WASF1: variants seen among roughly 807,000 people sequenced by gnomAD.
The protein encoded by WASF1 is WASP family member 1.
WASF1 carries 7 observed loss-of-function variants against 50.5 expected under a neutral mutation model. That is an observed-to-expected ratio of 0.14 (90% CI 0.08 to 0.26). The LOEUF is 0.26. Among genes scored for constraint, WASF1 ranks in the 10% least tolerant of loss-of-function variants. The pLI is 1.00. For synonymous variants in WASF1, 205 were observed against 244.0 expected, an observed-to-expected ratio of 0.84 and a Z score of 1.49; for missense variants, 470 against 694.7, an observed-to-expected ratio of 0.68 and a Z score of 3.64.
intron 3 of WASF1, among the ~76,000 whole-genome samples, chr6:110,129,185 G>A (rs1774550649): frequency 6.6e-6 from 1 of 152,124 alleles, no homozygotes; most frequent in African/African-American, 2.4e-5. Context: ...TTCACCTACA[G>A]ACAGCAAAGC....
intron 3 of WASF1, among the ~76,000 whole-genome samples, chr6:110,132,984 A>ACC (rs1345964071): frequency 1.4e-5 from 2 of 147,264 alleles, no homozygotes; most frequent in African/African-American, 5.1e-5. Context: ...ACACACACAC[A>ACC]CACCATGGAA....
At chr6:110,173,795 A>G (rs1776813733) in intron 2 of WASF1, among the ~76,000 whole-genome samples, 2 of 152,318 alleles carry the variant, frequency 1.3e-5, no homozygotes, top group South Asian at 2.1e-4. Context: ...TGTATCTCAC[A>G]GCTTCAGCAA....
intron 3 of WASF1, among the ~76,000 whole-genome samples, chr6:110,135,181 T>C (rs188362525): frequency 2.4e-4 from 37 of 152,348 alleles, no homozygotes; most frequent in Non-Finnish European, 2.8e-4. Flanking sequence ...TGGTCACTAT[T>C]GGTGTATAGC....
chr6:110,100,565 G>C lies in WASF1; in HGVS notation c.1637C>G (p.Ser546Trp). 6.2e-7 allele frequency: 1 copy of C among 1,612,576 alleles called. No homozygotes were observed. The highest frequency in any genetic ancestry group is 8.5e-7 in the Non-Finnish European group (1 of 1,179,376). ...SRRIAVEYSDSEDDSEFDEVD... is the reference protein window; with the variant it reads ...SRRIAVEYSDWEDDSEFDEVD... ...TTCATCAAATTCTGAATCATCTTCC[G>C]AATCACTATATTCAACAGCAATACG... is the stretch of plus-strand genomic sequence containing the variant. The change falls in exon 11 of 11, where the codon TCG becomes TGG. Residue 546 changes from serine to tryptophan, a missense_variant. Ser to Trp is a radical substitution (Grantham distance 177). Coordinates refer to ENST00000392589, the MANE Select transcript of WASF1 (RefSeq NM_003931.3).
chr6:110,164,731 T>C (rs1332501007), intron 2 of WASF1, among the ~76,000 whole-genome samples: 6 of 151,624 alleles, frequency 4.0e-5, no homozygotes, highest in African/African-American at 1.2e-4. Context: ...CTTACACCCA[T>C]ACAAAAATGT....
At chr6:110,158,632 G>T (rs567073941) in intron 3 of WASF1, among the ~76,000 whole-genome samples, 1 of 151,974 alleles carries the variant, frequency 6.6e-6, no homozygotes, top group East Asian at 1.9e-4. Context: ...ACCCTCACAT[G>T]AGCTTCTTTG....
intron 2 of WASF1, among the ~76,000 whole-genome samples, chr6:110,174,891 T>C (rs1286780153): frequency 1.3e-5 from 2 of 152,182 alleles, no homozygotes; most frequent in East Asian, 1.9e-4. Context: ...TCTTTTATTC[T>C]GTAGTAATTG....
intron 4 of WASF1, among the ~76,000 whole-genome samples, chr6:110,117,107 T>C (rs1773849429): frequency 6.6e-6 from 1 of 151,498 alleles, no homozygotes; most frequent in Admixed American, 6.6e-5. Context: ...CCTCTTCTCG[T>C]CCAAAGGATT....
At chr6:110,108,480 C>A in intron 6 of WASF1, 48 bp downstream of exon 6, 1 of 1,523,640 alleles carries the variant, frequency 6.6e-7, no homozygotes, top group Non-Finnish European at 8.9e-7. Flanking sequence ...GCATTTCAAT[C>A]TGAAGTCTGA....
intron 2 of WASF1, 118 bp from the exon 3 acceptor site, chr6:110,160,850 G>C (rs1776233736): frequency 6.6e-6 from 1 of 151,614 alleles, no homozygotes. Context: ...GGCCTGAGGA[G>C]TAATTTAAGC....
intron 3 of WASF1, among the ~76,000 whole-genome samples, chr6:110,151,668 C>G (rs1271967305): frequency 1.3e-5 from 2 of 152,104 alleles, no homozygotes; most frequent in Non-Finnish European, 2.9e-5. Flanking sequence ...ATATTAATCA[C>G]AATTTTGAGT....
intron 2 of WASF1, among the ~76,000 whole-genome samples, chr6:110,176,628 C>T (rs1045581324): frequency 3.9e-5 from 6 of 151,962 alleles, no homozygotes; most frequent in African/African-American, 1.4e-4. Context: ...TTTACCCATT[C>T]ATTTTATTTG....
intron 3 of WASF1, among the ~76,000 whole-genome samples, chr6:110,129,436 C>T (rs1774562276): frequency 6.6e-6 from 1 of 152,128 alleles, no homozygotes; most frequent in African/African-American, 2.4e-5. Context: ...GATATGCAGC[C>T]TGAGGAACTT....
At chr6:110,178,774 G>C (rs1777049882) in intron 1 of WASF1, 32 bp from the exon 2 acceptor site, 1 of 152,788 alleles carries the variant, frequency 6.5e-6, no homozygotes, top group Non-Finnish European at 1.5e-5. Flanking sequence ...AATGGGAAAG[G>C]TGCAATGGAT....
intron 4 of WASF1, among the ~76,000 whole-genome samples, chr6:110,122,959 A>G (rs1489518647): frequency 6.6e-6 from 1 of 152,168 alleles, no homozygotes; most frequent in Non-Finnish European, 1.5e-5. Context: ...AAGTGGGGAA[A>G]AAAAAAGAGA....
At chr6:110,119,051 G>A (rs1277894983) in intron 4 of WASF1, among the ~76,000 whole-genome samples, 1 of 152,186 alleles carries the variant, frequency 6.6e-6, no homozygotes, top group Non-Finnish European at 1.5e-5. Context: ...GCAGTGTGTA[G>A]AGGGAAATTT....
chr6:110,123,336 A>G (rs989403288), intron 4 of WASF1, among the ~76,000 whole-genome samples: 3 of 148,506 alleles, frequency 2.0e-5, no homozygotes, highest in African/African-American at 7.4e-5. Flanking sequence ...ACAACTTCTG[A>G]AAAAAAAAAA....
intron 3 of WASF1, among the ~76,000 whole-genome samples, chr6:110,142,554 C>T (rs1775294564): frequency 6.6e-6 from 1 of 152,068 alleles, no homozygotes; most frequent in South Asian, 2.1e-4. Context: ...AGAAAACTGC[C>T]TGATTCCCAT....
At chr6:110,116,254 G>A (rs1460217734) in intron 4 of WASF1, among the ~76,000 whole-genome samples, 1 of 152,224 alleles carries the variant, frequency 6.6e-6, no homozygotes, top group African/African-American at 2.4e-5. Flanking sequence ...AGTACAAGGG[G>A]TCAGGGGATT....
Sources: allele counts gnomAD v4.1 joint callset (sites outside exome capture counted in the v4.1 genomes callset), GRCh38; gene constraint gnomAD v4.1.1; transcripts MANE v1.5; gene names NCBI Gene and HGNC (gene_info 2026-07-23, HGNC 2026-07-21).